The following OPHN1 variants were observed in gnomAD, a reference collection of about 807,000 sequenced individuals.
OPHN1 encodes oligophrenin 1.
Under a neutral mutation model 60.7 loss-of-function variants are expected in OPHN1, and 11 were observed. The observed-to-expected ratio is 0.18, with a 90% CI of 0.11 to 0.30. OPHN1 has a LOEUF of 0.30. Among genes scored for constraint, OPHN1 ranks in the 10% least tolerant of loss-of-function variants. The probability of loss-of-function intolerance (pLI) is 1.00; values close to 1 mark genes in which losing one functional copy is unlikely to be tolerated. For synonymous variants in OPHN1, 226 were observed against 222.6 expected, an observed-to-expected ratio of 1.02 and a Z score of -0.14; for missense variants, 449 against 611.0, an observed-to-expected ratio of 0.73 and a Z score of 2.80.
intron 2 of OPHN1, among the ~76,000 whole-genome samples, chrX:68,406,715 C>T (rs1210751093): frequency 1.8e-5 from 2 of 111,629 alleles, no homozygotes; most frequent in African/African-American, 3.2e-5. Flanking sequence ...GGGAAAAGGT[C>T]GTAATATATG....
chrX:68,212,059 T>C (rs1426331259), intron 8 of OPHN1, 49 bp downstream of exon 8: 1 of 943,746 alleles, frequency 1.1e-6, no homozygotes, highest in Non-Finnish European at 1.5e-6. Context: ...AGGGCTGAAA[T>C]TCAATCGGAA....
chrX:68,170,681 A>G (rs2077386001), intron 15 of OPHN1, among the ~76,000 whole-genome samples: 1 of 106,566 alleles, frequency 9.4e-6, no homozygotes, highest in South Asian at 4.4e-4. Context: ...TATCGCAAGA[A>G]CAAAAAAACC....
At chrX:68,056,301 T>C (rs1337310820) in intron 21 of OPHN1, among the ~76,000 whole-genome samples, 1 of 110,982 alleles carries the variant, frequency 9.0e-6, no homozygotes, top group African/African-American at 3.3e-5. Flanking sequence ...ATCTCAACCC[T>C]CTGAACACCC....
intron 18 of OPHN1, among the ~76,000 whole-genome samples, chrX:68,107,325 A>T (rs2077085658): frequency 9.0e-6 from 1 of 111,525 alleles, no homozygotes; most frequent in Non-Finnish European, 1.9e-5. Flanking sequence ...CACAACATTG[A>T]CTTTTTGAAA....
chrX:68,111,102 C>CAATTTT (rs1421087107), intron 18 of OPHN1, among the ~76,000 whole-genome samples: 2 of 112,200 alleles, frequency 1.8e-5, no homozygotes, highest in African/African-American at 6.5e-5. Flanking sequence ...AAATACATTA[C>CAATTTT]AATTTTTTAA....
chrX:68,121,020 C>T (rs1198247450), intron 15 of OPHN1, among the ~76,000 whole-genome samples: 1 of 112,000 alleles, frequency 8.9e-6, no homozygotes, highest in Non-Finnish European at 1.9e-5. Flanking sequence ...AATGTAAGAC[C>T]AGAAACCATA....
intron 19 of OPHN1, among the ~76,000 whole-genome samples, chrX:68,080,722 T>A (rs1387776008): frequency 8.9e-6 from 1 of 112,080 alleles, no homozygotes; most frequent in African/African-American, 3.2e-5. Context: ...CAGAAGTATG[T>A]CATTGATCTT....
intron 2 of OPHN1, among the ~76,000 whole-genome samples, chrX:68,393,526 T>C (rs1277998265): frequency 1.8e-5 from 2 of 111,858 alleles, no homozygotes; most frequent in Non-Finnish European, 3.8e-5. Flanking sequence ...ACTGCAGCAA[T>C]GCATGAGGGC....
At chrX:68,253,970 G>A (rs890525829) in intron 5 of OPHN1, among the ~76,000 whole-genome samples, 9 of 111,919 alleles carry the variant, frequency 8.0e-5, no homozygotes, top group African/African-American at 2.9e-4. Flanking sequence ...CTGCGTCTAG[G>A]GGGTAACGGC....
intron 18 of OPHN1, among the ~76,000 whole-genome samples, chrX:68,111,119 T>C (rs931843415): frequency 8.9e-6 from 1 of 112,373 alleles, no homozygotes; most frequent in African/African-American, 3.2e-5. Flanking sequence ...TTAATATATA[T>C]ACCAAGAGAG....
intron 15 of OPHN1, among the ~76,000 whole-genome samples, chrX:68,152,814 A>G (rs770651257): frequency 9.0e-6 from 1 of 111,701 alleles, no homozygotes; most frequent in South Asian, 3.8e-4. Flanking sequence ...ACGGTCAGCA[A>G]GTAAACATGC....
intron 2 of OPHN1, among the ~76,000 whole-genome samples, chrX:68,325,338 C>T (rs1036547458): frequency 3.7e-5 from 4 of 107,232 alleles, no homozygotes; most frequent in Non-Finnish European, 7.7e-5. Context: ...GTCTAGTTGC[C>T]GGGATAGACA....
At chrX:68,297,200 C>A (rs780604164) in intron 3 of OPHN1, among the ~76,000 whole-genome samples, 1 of 111,754 alleles carries the variant, frequency 8.9e-6, no homozygotes, top group African/African-American at 3.2e-5. Context: ...ACAAAAATAT[C>A]TTATATTAAT....
At chrX:68,190,605 C>T (rs994517882) in intron 15 of OPHN1, among the ~76,000 whole-genome samples, 2 of 111,815 alleles carry the variant, frequency 1.8e-5, no homozygotes. Context: ...AATTCTACTG[C>T]CGTGTGTGAT....
At chrX:68,101,858 A>C (rs995733260) in intron 18 of OPHN1, among the ~76,000 whole-genome samples, 1 of 112,434 alleles carries the variant, frequency 8.9e-6, no homozygotes, top group African/African-American at 3.2e-5. Flanking sequence ...TGGTGTATAC[A>C]ACATCACATG....
intron 4 of OPHN1, among the ~76,000 whole-genome samples, chrX:68,278,977 G>A (rs16989087): frequency 0.025 from 2,753 of 108,981 alleles, 74 homozygotes; most frequent in African/African-American, 0.077. Flanking sequence ...ACTTTTGGCC[G>A]TCTTCAAAAA....
chrX:68,158,760 A>T (rs773078884), intron 15 of OPHN1, among the ~76,000 whole-genome samples: 2 of 111,654 alleles, frequency 1.8e-5, no homozygotes, highest in East Asian at 5.7e-4. Context: ...GGTGATTGGA[A>T]TTTTTCATCC....
chrX:68,350,549 T>C (rs749521588), intron 2 of OPHN1, among the ~76,000 whole-genome samples: 1 of 97,191 alleles, frequency 1.0e-5, no homozygotes, highest in Admixed American at 1.2e-4. Flanking sequence ...CCTCCCTTCT[T>C]TCCGACAGAG....
intron 2 of OPHN1, among the ~76,000 whole-genome samples, chrX:68,425,847 G>T (rs2078852587): frequency 1.3e-5 from 1 of 74,288 alleles, no homozygotes; most frequent in South Asian, 1.1e-3. Flanking sequence ...TTTAGAGAGG[G>T]AGACAGGGTC....
Sources: allele counts gnomAD v4.1 joint callset (sites outside exome capture counted in the v4.1 genomes callset), GRCh38; gene constraint gnomAD v4.1.1; transcripts MANE v1.5; gene names NCBI Gene and HGNC (gene_info 2026-07-23, HGNC 2026-07-21).